MRTFB: variants seen among roughly 807,000 people sequenced by gnomAD.
MRTFB encodes the protein myocardin related transcription factor B, also known as myocardin-related transcription factor B.
In MRTFB, 29 loss-of-function variants were observed where a neutral mutation model predicts 104.2. That is an observed-to-expected ratio of 0.28 (90% CI 0.21 to 0.38). MRTFB has a LOEUF of 0.38. Ranked by LOEUF, MRTFB falls within the 10% of genes least tolerant of loss-of-function variation. The probability of loss-of-function intolerance (pLI) is 1.00; values close to 1 mark genes in which losing one functional copy is unlikely to be tolerated. For missense variants in MRTFB, 1,270 were observed against 1,341.6 expected (o/e 0.95, Z 0.83); for synonymous variants, 535 against 519.5 (o/e 1.03, Z -0.41).
the MRTFB span, among the ~76,000 whole-genome samples, chr16:14,016,979 G>A: frequency 4.5e-4 from 68 of 151,656 alleles, no homozygotes; most frequent in East Asian, 2.7e-3. Context: ...ACTTTTACAA[G>A]CATTTCTGAG....
upstream of MRTFB, chr16:14,071,301 AG>A (rs568711473): frequency 5.7e-5 from 9 of 159,272 alleles, no homozygotes; most frequent in South Asian, 1.6e-3. Flanking sequence ...GGGAGTGCCG[AG>A]GGGAGCGAAG....
At chr16:14,203,817 A>C (rs897890034) in intron 3 of MRTFB, among the ~76,000 whole-genome samples, 4 of 151,834 alleles carry the variant, frequency 2.6e-5, no homozygotes, top group Non-Finnish European at 5.9e-5. Flanking sequence ...AAAAAAAAAA[A>C]AAAAAAAAAA....
At chr16:14,120,794 G>A (rs961729204) in intron 2 of MRTFB, among the ~76,000 whole-genome samples, 1 of 152,126 alleles carries the variant, frequency 6.6e-6, no homozygotes, top group African/African-American at 2.4e-5. Context: ...GTTGTGCTAG[G>A]AAAGTAGGTG....
chr16:14,042,541 A>G, the MRTFB span, among the ~76,000 whole-genome samples: 1 of 152,182 alleles, frequency 6.6e-6, no homozygotes, highest in Non-Finnish European at 1.5e-5. Context: ...TGGGGAAGTT[A>G]TGGTTCTGGG....
chr16:14,052,565 C>T, the MRTFB span, among the ~76,000 whole-genome samples: 4 of 151,922 alleles, frequency 2.6e-5, no homozygotes, highest in Admixed American at 2.0e-4. Context: ...ATGGTGAAAC[C>T]CGTCTCTACT....
chr16:14,179,048 C>T (rs1363476487), intron 3 of MRTFB, among the ~76,000 whole-genome samples: 1 of 152,144 alleles, frequency 6.6e-6, no homozygotes, highest in Non-Finnish European at 1.5e-5. Flanking sequence ...AGCCAGATGA[C>T]TTAATTTTTG....
intron 3 of MRTFB, chr16:14,195,713 A>G (rs1346523244): frequency 1.1e-5 from 3 of 276,946 alleles, no homozygotes; most frequent in Non-Finnish European, 1.1e-5. Context: ...ACATTTTTCC[A>G]TTATAGAGGG....
At chr16:14,170,979 T>C (rs1439210925) in intron 3 of MRTFB, among the ~76,000 whole-genome samples, 1 of 152,232 alleles carries the variant, frequency 6.6e-6, no homozygotes, top group African/African-American at 2.4e-5. Flanking sequence ...TATAGAATCA[T>C]GGAGTCTGTG....
chr16:14,080,797 A>T (rs973797836), intron 2 of MRTFB, among the ~76,000 whole-genome samples: 1 of 152,110 alleles, frequency 6.6e-6, no homozygotes, highest in East Asian at 1.9e-4. Context: ...TAAAGAGGTG[A>T]TGTTCTCCAG....
At chr16:14,132,869 C>CA (rs953629306) in intron 2 of MRTFB, among the ~76,000 whole-genome samples, 1 of 152,194 alleles carries the variant, frequency 6.6e-6, no homozygotes, top group African/African-American at 2.4e-5. Context: ...TCTGTTCTGA[C>CA]TAACTGAGTT....
chr16:14,119,942 G>T (rs2036756076), intron 2 of MRTFB, among the ~76,000 whole-genome samples: 1 of 152,128 alleles, frequency 6.6e-6, no homozygotes, highest in Admixed American at 6.5e-5. Flanking sequence ...TGAGGTTTCA[G>T]CTCCTGACAG....
In MRTFB at chr16:14,195,922, A is replaced by T. The variant is rs191139273; in HGVS notation, c.155-14321A>T. 1.5e-4 allele frequency among the ~76,000 whole-genome samples: 23 copies of T among 152,348 alleles called. No individual in the cohort carries two copies. In the East Asian group the frequency reaches 2.1e-3, roughly 14 times the overall value. On this transcript the variant is annotated intron_variant, in intron 3 of 16. Transcript: ENST00000571589. The stretch of plus-strand genomic sequence containing the variant: ...ACATGATCTCACAGGTTAAAAATGA[A>T]TTGTTTGAAAAATCAAGTATTGTTT...
the MRTFB span, chr16:14,009,942 C>G: frequency 6.6e-6 from 1 of 152,212 alleles, no homozygotes; most frequent in Admixed American, 6.6e-5. Context: ...CAGGCAAACT[C>G]TCTCCTCTTT....
chr16:14,184,524 A>G (rs1210803335), intron 3 of MRTFB, among the ~76,000 whole-genome samples: 1 of 152,048 alleles, frequency 6.6e-6, no homozygotes, highest in Admixed American at 6.6e-5. Flanking sequence ...TGATTTTTTT[A>G]AGCCTCCATT....
intron 3 of MRTFB, among the ~76,000 whole-genome samples, chr16:14,155,973 C>G (rs1319447055): frequency 6.6e-6 from 1 of 152,166 alleles, no homozygotes; most frequent in Non-Finnish European, 1.5e-5. Flanking sequence ...TGCTTAAGCT[C>G]TCCTCTCATC....
At chr16:14,136,776 TTTC>T (rs2037743576) in intron 2 of MRTFB, among the ~76,000 whole-genome samples, 1 of 152,158 alleles carries the variant, frequency 6.6e-6, no homozygotes, top group Non-Finnish European at 1.5e-5. Context: ...CCTGTATTTT[TTTC>T]CCCTACCTCT....
intron 3 of MRTFB, among the ~76,000 whole-genome samples, chr16:14,186,325 C>A (rs892418844): frequency 1.3e-5 from 2 of 152,184 alleles, no homozygotes; most frequent in Admixed American, 6.5e-5. Context: ...GAGATAAGAG[C>A]CGCTTCCTTC....
intron 2 of MRTFB, among the ~76,000 whole-genome samples, chr16:14,130,831 C>T (rs1038762020): frequency 1.3e-5 from 2 of 152,014 alleles, no homozygotes; most frequent in African/African-American, 2.4e-5. Flanking sequence ...TCCTTCTTCA[C>T]GGAACAGCAG....
chr16:14,240,189 T>C, intron 9 of MRTFB, 48 bp from the exon 10 acceptor site: 1 of 1,532,686 alleles, frequency 6.5e-7, no homozygotes, highest in Non-Finnish European at 8.7e-7. Context: ...CAAAAGATTT[T>C]ATGTGGTGAC....
Sources: allele counts gnomAD v4.1 joint callset (sites outside exome capture counted in the v4.1 genomes callset), GRCh38; gene constraint gnomAD v4.1.1; transcripts MANE v1.5; gene names NCBI Gene and HGNC (gene_info 2026-07-23, HGNC 2026-07-21).